The following CNOT2 variants were observed in gnomAD, a reference collection of about 807,000 sequenced individuals.
The protein encoded by CNOT2 is CC chemokine receptor 4-negative regulator of transcription 2.
In CNOT2, 7 loss-of-function variants were observed where a neutral mutation model predicts 72.1. That is an observed-to-expected ratio of 0.10 (90% CI 0.06 to 0.18). The LOEUF is 0.18. Ranked by LOEUF, CNOT2 falls within the 10% of genes least tolerant of loss-of-function variation. The probability of loss-of-function intolerance (pLI) is 1.00; values close to 1 mark genes in which losing one functional copy is unlikely to be tolerated. For synonymous variants in CNOT2, 196 were observed against 225.6 expected (o/e 0.87, Z 1.17); for missense variants, 345 against 660.3 (o/e 0.52, Z 5.23).
At chr12:70,257,056 A>C (rs1958489722) in intron 1 of CNOT2, among the ~76,000 whole-genome samples, 1 of 152,160 alleles carries the variant, frequency 6.6e-6, no homozygotes. Flanking sequence ...TTTTATAAAT[A>C]GCACTGTGAT....
rs1879645318 is a variant in CNOT2, at chr12:70,329,755, A to T, written c.386+185A>T. ...TAAGTACAGTACAAGTGGTTTTTAT[A>T]CTGCAGCTCGCATACTGGTTGTCAG... On this transcript the variant is annotated intron_variant, in intron 5 of 15. Coordinates refer to ENST00000229195, the MANE Select transcript of CNOT2 (RefSeq NM_014515.7). 3 of 545,782 alleles carry T rather than the reference A, an allele frequency of 5.5e-6. No homozygotes were observed. The African/African-American group carries it at 5.7e-5, about 10-fold the overall frequency. 33.8% of individuals were successfully genotyped at this position (545,782 alleles called of 1,614,324 possible).
chr12:70,263,591 C>T (rs1389271098), intron 1 of CNOT2, among the ~76,000 whole-genome samples: 1 of 152,140 alleles, frequency 6.6e-6, no homozygotes, highest in Non-Finnish European at 1.5e-5. Flanking sequence ...TCACATCACA[C>T]TTTCCTTTAC....
intron 10 of CNOT2, 45 bp from the exon 11 acceptor site, chr12:70,338,621 T>TAAA: frequency 2.5e-6 from 4 of 1,596,456 alleles, no homozygotes; most frequent in Non-Finnish European, 3.4e-6. Context: ...TTCTATTTTT[T>TAAA]AACTTTTTCT....
intron 2 of CNOT2, chr12:70,297,889 A>G: frequency 5.2e-6 from 1 of 190,808 alleles, no homozygotes; most frequent in South Asian, 6.4e-5. Context: ...GGTGCGTACC[A>G]CCACGCCCAA....
intron 15 of CNOT2, among the ~76,000 whole-genome samples, 200 bp from the exon 16 acceptor site, chr12:70,353,629 T>C (rs1883144322): frequency 6.6e-6 from 1 of 152,152 alleles, no homozygotes; most frequent in Non-Finnish European, 1.5e-5. Flanking sequence ...GTCTGTATTT[T>C]TTGTACTCAT....
intron 1 of CNOT2, among the ~76,000 whole-genome samples, chr12:70,250,882 C>G (rs1163428388): frequency 2.0e-5 from 3 of 152,124 alleles, no homozygotes; most frequent in Non-Finnish European, 4.4e-5. Context: ...GTGTCTTTCA[C>G]TTCAGAAAAT....
intron 1 of CNOT2, among the ~76,000 whole-genome samples, chr12:70,268,791 C>CTTTTTTTTTTTTTTTT (rs1959166505): frequency 6.6e-6 from 1 of 151,896 alleles, no homozygotes; most frequent in Non-Finnish European, 1.5e-5. Context: ...ACTCCTGTTT[C>CTTTTTTTTTTTTTTTT]TATGTAGTGG....
chr12:70,320,839 A>G (rs1276734136), intron 4 of CNOT2, among the ~76,000 whole-genome samples: 1 of 151,810 alleles, frequency 6.6e-6, no homozygotes, highest in Non-Finnish European at 1.5e-5. Context: ...GGCAATTACT[A>G]TACTTATAAT....
At chr12:70,346,365 G>T in intron 15 of CNOT2, 41 bp downstream of exon 15, 1 of 1,520,590 alleles carries the variant, frequency 6.6e-7, no homozygotes, top group Non-Finnish European at 9.1e-7. Context: ...ATCTAAACTT[G>T]AAAAAAGAAG....
At chr12:70,319,183 G>T in intron 3 of CNOT2, 115 bp from the exon 4 acceptor site, 1 of 785,288 alleles carries the variant, frequency 1.3e-6, no homozygotes, top group South Asian at 2.4e-5. Context: ...TTTTTCTGAA[G>T]AATGAGAAAA....
intron 1 of CNOT2, among the ~76,000 whole-genome samples, chr12:70,277,142 A>G (rs867086494): frequency 3.9e-5 from 6 of 152,222 alleles, no homozygotes; most frequent in Admixed American, 6.5e-5. Flanking sequence ...TTGAATACCA[A>G]TGTTTAGTGG....
intron 1 of CNOT2, among the ~76,000 whole-genome samples, chr12:70,271,141 A>G (rs1959206783): frequency 6.6e-6 from 1 of 152,138 alleles, no homozygotes; most frequent in African/African-American, 2.4e-5. Flanking sequence ...CAGCTTGTCC[A>G]CAGGCTAGCT....
Position 70,278,149 on chromosome 12 carries a change from G to T in CNOT2, c.-78G>T. ...CACTCTAGAGGGAGACGTGGTGGGC[G>T]GTCCTTCCTGTGACACGACCCTTGA... On this transcript the variant is annotated 5_prime_UTR_variant, in exon 2 of 16. Coordinates refer to ENST00000229195, the MANE Select transcript of CNOT2 (RefSeq NM_014515.7). The T allele has an allele frequency of 9.8e-7, 1 of 1,021,310 alleles. No individual in the cohort carries two copies. Among genetic ancestry groups the T allele is most frequent in the Non-Finnish European group, 1.5e-6 (1 of 653,704 alleles). The allele number at this position is 1,021,310 out of a possible 1,614,324, so 63.3% of individuals were successfully genotyped here.
intron 14 of CNOT2, chr12:70,345,607 T>C (rs1487879157): frequency 1.3e-5 from 2 of 152,232 alleles, no homozygotes; most frequent in African/African-American, 2.4e-5. Context: ...GATTCTTTTA[T>C]GAATTGTAAT....
chr12:70,336,255 C>T (rs1280859625), intron 8 of CNOT2: 7 of 152,158 alleles, frequency 4.6e-5, no homozygotes, highest in East Asian at 3.9e-4. Context: ...TCTTGGTCTC[C>T]GTTAATATCC....
chr12:70,290,381 C>A (rs1871679065), intron 2 of CNOT2, among the ~76,000 whole-genome samples: 1 of 152,112 alleles, frequency 6.6e-6, no homozygotes, highest in African/African-American at 2.4e-5. Context: ...TTCTGGCTGC[C>A]TTTAATTGCC....
rs776720014 is a variant in CNOT2, at chr12:70,344,079, A to T, written c.1291-49A>T. On this transcript the variant is annotated intron_variant, in intron 13 of 15. Transcript: ENST00000229195. ...TTAGTAGTAGCAACTATATATTAGG[A>T]TTTGCAGATTTGTTTTATATTTCAG... 8.7e-5 allele frequency: 114 copies of T among 1,313,020 alleles called. 1 individual carries two copies. The highest frequency in any genetic ancestry group is 1.2e-4 in the Non-Finnish European group (109 of 930,002). The allele number at this position is 1,313,020 out of a possible 1,614,324, so 81.3% of individuals were successfully genotyped here. A position where few individuals can be genotyped will look rare whatever the true frequency, so the allele number is the denominator to read the frequency against.
intron 6 of CNOT2, chr12:70,332,485 A>G (rs1475952871): frequency 4.0e-6 from 1 of 249,306 alleles, no homozygotes; most frequent in African/African-American, 2.2e-5. Flanking sequence ...AGTACACAAA[A>G]TGGTGCCCTG....
chr12:70,341,176 G>A (rs563541994), intron 11 of CNOT2, among the ~76,000 whole-genome samples: 19 of 152,058 alleles, frequency 1.2e-4, no homozygotes, highest in African/African-American at 3.9e-4. Context: ...GTGAGCCACC[G>A]CGCTTGACCA....
Sources: allele counts gnomAD v4.1 joint callset (sites outside exome capture counted in the v4.1 genomes callset), GRCh38; gene constraint gnomAD v4.1.1; transcripts MANE v1.5; gene names NCBI Gene and HGNC (gene_info 2026-07-23, HGNC 2026-07-21).